The following TRPM3 variants were observed in gnomAD, a reference collection of about 807,000 sequenced individuals.
TRPM3 encodes the protein transient receptor potential cation channel subfamily M member 3.
A neutral mutation model predicts 181.2 loss-of-function variants in TRPM3; 77 were observed. The ratio of observed to expected loss-of-function variants is 0.42; its 90% confidence interval spans 0.35 to 0.51. The LOEUF (loss-of-function observed/expected upper bound fraction) is 0.51. TRPM3 is among the 20% of genes least tolerant of loss of function. The pLI is 0.01. For synonymous variants in TRPM3, 745 were observed against 796.4 expected, an observed-to-expected ratio of 0.94 and a Z score of 1.09; for missense variants, 1,759 against 2,196.7, an observed-to-expected ratio of 0.80 and a Z score of 3.98.
At chr9:70,668,301 T>C (rs750245603) in intron 9 of TRPM3, among the ~76,000 whole-genome samples, 2 of 152,158 alleles carry the variant, frequency 1.3e-5, no homozygotes, top group African/African-American at 2.4e-5. Context: ...AATTGTAAGA[T>C]GGATGATACT....
intron 1 of TRPM3, among the ~76,000 whole-genome samples, chr9:71,199,532 T>C (rs537934061): frequency 2.8e-4 from 42 of 152,302 alleles, no homozygotes; most frequent in African/African-American, 9.4e-4. Context: ...AAGCTATTGA[T>C]TATTGCCACA....
At chr9:71,420,647 A>AAG (rs150068904) in intron 1 of TRPM3, among the ~76,000 whole-genome samples, 8,153 of 100,396 alleles carry the variant, frequency 0.081, 824 homozygotes, top group African/African-American at 0.2. Context: ...AAGAGAGAGA[A>AAG]AGAGAAAGAA....
chr9:70,755,606 A>T (rs1008703106), intron 8 of TRPM3, among the ~76,000 whole-genome samples: 2 of 152,086 alleles, frequency 1.3e-5, no homozygotes, highest in African/African-American at 4.8e-5. Context: ...ACCTCAGGTG[A>T]TCCGCCTGCC....
rs140538479 is a variant in TRPM3, at chr9:70,818,333, G to C, written c.973+9514C>G. 3.7e-3 allele frequency among the ~76,000 whole-genome samples: 565 copies of C among 152,288 alleles called. 4 individuals carry two copies. Among genetic ancestry groups the C allele is most frequent in the African/African-American group, 0.013 (530 of 41,560 alleles). ...TCAGTAATTTATAGATTATATGTTA[G>C]AGTTCTCTTTGCATTCAATTTAGTA... On this transcript the variant is annotated intron_variant, in intron 6 of 25. Transcript: ENST00000677713.
At chr9:71,291,068 A>G (rs1210864845) in intron 1 of TRPM3, among the ~76,000 whole-genome samples, 1 of 152,188 alleles carries the variant, frequency 6.6e-6, no homozygotes, top group Non-Finnish European at 1.5e-5. Context: ...AACATTTAAA[A>G]GAGAAAAGAC....
intron 6 of TRPM3, among the ~76,000 whole-genome samples, chr9:70,807,258 G>C (rs918622121): frequency 6.6e-6 from 1 of 152,060 alleles, no homozygotes; most frequent in Non-Finnish European, 1.5e-5. Flanking sequence ...CTGAGGCCAC[G>C]GTGCACTGGC....
At chr9:70,786,648 G>A (rs928459651) in intron 6 of TRPM3, among the ~76,000 whole-genome samples, 1 of 152,082 alleles carries the variant, frequency 6.6e-6, no homozygotes, top group African/African-American at 2.4e-5. Flanking sequence ...CATTGTTAAA[G>A]GTTATTTTAT....
chr9:70,570,933 T>C (rs2052152326), intron 22 of TRPM3, among the ~76,000 whole-genome samples: 1 of 152,244 alleles, frequency 6.6e-6, no homozygotes, highest in African/African-American at 2.4e-5. Flanking sequence ...TTTATTCCAT[T>C]GTCTTTCATT....
chr9:71,289,113 C>T (rs2085553605), intron 1 of TRPM3, among the ~76,000 whole-genome samples: 1 of 151,954 alleles, frequency 6.6e-6, no homozygotes, highest in African/African-American at 2.4e-5. Context: ...TGGAAGAACA[C>T]ACTTTAACAC....
intron 1 of TRPM3, among the ~76,000 whole-genome samples, chr9:71,148,137 G>C (rs1039963563): frequency 8.6e-5 from 13 of 151,896 alleles, no homozygotes; most frequent in South Asian, 2.1e-4. Context: ...ATTTATTACA[G>C]TTTACTTGTT....
At chr9:71,370,237 G>A (rs2092467033) in intron 1 of TRPM3, among the ~76,000 whole-genome samples, 1 of 152,000 alleles carries the variant, frequency 6.6e-6, no homozygotes, top group Admixed American at 6.6e-5. Context: ...GTGTTCAAGT[G>A]AAGAGTCTCA....
intron 1 of TRPM3, among the ~76,000 whole-genome samples, chr9:71,352,722 C>G (rs989809367): frequency 2.6e-5 from 4 of 152,164 alleles, no homozygotes; most frequent in Admixed American, 2.0e-4. Flanking sequence ...AGTATCTCTT[C>G]CAGTTGTTTC....
intron 8 of TRPM3, among the ~76,000 whole-genome samples, chr9:70,752,058 G>A (rs987945516): frequency 1.4e-4 from 21 of 147,062 alleles, no homozygotes; most frequent in African/African-American, 2.5e-4. Flanking sequence ...GTGCGCGCGC[G>A]CGCGCATACA....
intron 1 of TRPM3, among the ~76,000 whole-genome samples, chr9:71,129,587 G>T (rs954327399): frequency 2.6e-4 from 40 of 152,176 alleles, no homozygotes; most frequent in Non-Finnish European, 1.2e-4. Flanking sequence ...GAAACCTGCA[G>T]AAGGTCACGT....
intron 1 of TRPM3, among the ~76,000 whole-genome samples, chr9:71,204,732 T>C (rs963215691): frequency 5.9e-5 from 9 of 152,312 alleles, no homozygotes; most frequent in Admixed American, 2.0e-4. Context: ...CAAAGGACTA[T>C]AGATCATGCT....
At chr9:70,869,082 T>C (rs2095725948) in intron 1 of TRPM3, 1 of 984,208 alleles carries the variant, frequency 1.0e-6, no homozygotes, top group Non-Finnish European at 1.2e-6. Context: ...CCGTTAATAA[T>C]GCTCTTATGA....
intron 7 of TRPM3, 185 bp downstream of exon 7, chr9:70,783,920 G>C (rs2083020479): frequency 2.2e-6 from 3 of 1,333,876 alleles, no homozygotes; most frequent in Non-Finnish European, 2.9e-6. Context: ...CACTTCACAG[G>C]ACATTTAGAA....
At chr9:71,327,606 T>C (rs2089789821) in intron 1 of TRPM3, among the ~76,000 whole-genome samples, 1 of 152,234 alleles carries the variant, frequency 6.6e-6, no homozygotes, top group Admixed American at 6.5e-5. Flanking sequence ...ATACAGTGAA[T>C]GAACTAGTGT....
At chr9:71,028,439 A>T (rs1238975288) in intron 1 of TRPM3, among the ~76,000 whole-genome samples, 2 of 152,226 alleles carry the variant, frequency 1.3e-5, no homozygotes. Flanking sequence ...CAGCATGCTG[A>T]CATTATCAAA....
Sources: gnomAD v4.1 joint callset for allele counts (sites outside exome capture counted in the v4.1 genomes callset) on GRCh38, gnomAD v4.1.1 for gene constraint, MANE v1.5 for transcripts, NCBI Gene and HGNC (gene_info 2026-07-23, HGNC 2026-07-21) for gene names.